Variants in NELL1 observed in about 807,000 individuals in gnomAD.
The protein encoded by NELL1 is neural EGFL like 1, also known as protein kinase C-binding protein NELL1.
In NELL1, 76 loss-of-function variants were observed where a neutral mutation model predicts 107.4. That is an observed-to-expected ratio of 0.71 (90% confidence interval 0.59 to 0.86). NELL1 has a LOEUF of 0.86. Among genes scored for constraint, NELL1 ranks in the 40% least tolerant of loss-of-function variants. The pLI is 0.00. For synonymous variants in NELL1, 353 were observed against 341.2 expected (o/e 1.03, Z -0.38); for missense variants, 1,024 against 1,005.5 (o/e 1.02, Z -0.25).
chr11:21,326,818 G>C (rs10833506), intron 14 of NELL1, among the ~76,000 whole-genome samples: 73,538 of 151,438 alleles, frequency 0.49, 18,376 homozygotes, highest in Admixed American at 0.61. Context: ...GAAAAAAAAT[G>C]CAGACTGAAT....
At chr11:21,324,573 C>T (rs1850086051) in intron 14 of NELL1, among the ~76,000 whole-genome samples, 1 of 152,042 alleles carries the variant, frequency 6.6e-6, no homozygotes. Flanking sequence ...ATTTTTCAGT[C>T]AACATTGATG....
chr11:21,345,406 C>T (rs548439335), intron 14 of NELL1, among the ~76,000 whole-genome samples: 5 of 152,270 alleles, frequency 3.3e-5, no homozygotes, highest in African/African-American at 1.2e-4. Context: ...CAAAGCTTTA[C>T]TATTTTCAAA....
intron 14 of NELL1, among the ~76,000 whole-genome samples, chr11:21,333,212 G>GCAAA (rs1218586873): frequency 1.3e-5 from 2 of 152,006 alleles, no homozygotes; most frequent in African/African-American, 4.8e-5. Flanking sequence ...AGACTAAAGG[G>GCAAA]CAAAGCAGCA....
At position 20,783,881 on chromosome 11, in the gene NELL1, T is replaced by C. The variant is rs749827232; in HGVS notation, c.335+51T>C. On this transcript the variant is annotated intron_variant, in intron 3 of 19. Coordinates refer to ENST00000357134, the MANE Select transcript of NELL1 (RefSeq NM_006157.5). ...AAATCTCCTTAGAGTTAATGGGTTATACAAAATGTCTTGGGATTTAGAGTT... is the reference window on the plus strand; with the variant it reads ...AAATCTCCTTAGAGTTAATGGGTTACACAAAATGTCTTGGGATTTAGAGTT... 55 of 1,516,670 alleles carry C rather than the reference T, an allele frequency of 3.6e-5. 2 individuals are homozygous for C. The Admixed American group carries it at 6.8e-4, about 19-fold the overall frequency. 94.0% of individuals were successfully genotyped at this position (1,516,670 alleles called of 1,614,324 possible). A position where few individuals can be genotyped will look rare whatever the true frequency, so the allele number is the denominator to read the frequency against.
chr11:21,293,518 T>C (rs1849314771), intron 14 of NELL1, among the ~76,000 whole-genome samples: 1 of 152,170 alleles, frequency 6.6e-6, no homozygotes, highest in South Asian at 2.1e-4. Flanking sequence ...TGGAAGACAG[T>C]GTGGTGATTC....
intron 12 of NELL1, among the ~76,000 whole-genome samples, chr11:21,089,496 AC>A (rs1311635211): frequency 7.2e-5 from 11 of 152,324 alleles, no homozygotes; most frequent in Admixed American, 7.2e-4. Flanking sequence ...AATGAAACAA[AC>A]CCCCCTCAGT....
intron 14 of NELL1, among the ~76,000 whole-genome samples, chr11:21,267,392 C>A (rs1041946527): frequency 6.6e-6 from 1 of 151,944 alleles, no homozygotes; most frequent in African/African-American, 2.4e-5. Flanking sequence ...AAATATAGTT[C>A]AAAATAGTTT....
chr11:21,343,314 G>T (rs1850616918), intron 14 of NELL1, among the ~76,000 whole-genome samples: 1 of 151,794 alleles, frequency 6.6e-6, no homozygotes, highest in Admixed American at 6.6e-5. Context: ...TCATGATCTC[G>T]TTGCTCAACG....
intron 12 of NELL1, among the ~76,000 whole-genome samples, chr11:20,967,515 A>G (rs994490423): frequency 1.3e-5 from 2 of 152,306 alleles, no homozygotes; most frequent in South Asian, 2.1e-4. Flanking sequence ...GGGTAAGGGT[A>G]CATCCACTTA....
chr11:21,100,094 G>A (rs568701144), intron 12 of NELL1, among the ~76,000 whole-genome samples: 1 of 151,240 alleles, frequency 6.6e-6, no homozygotes, highest in South Asian at 2.1e-4. Context: ...TTGGCTCACT[G>A]CAACCTCCAC....
chr11:21,351,324 G>A (rs1220039332), intron 14 of NELL1, among the ~76,000 whole-genome samples: 2 of 151,972 alleles, frequency 1.3e-5, no homozygotes, highest in African/African-American at 4.8e-5. Flanking sequence ...TGGCGACTCT[G>A]GGAAGCTAAT....
intron 14 of NELL1, among the ~76,000 whole-genome samples, chr11:21,350,498 T>C (rs950253): frequency 0.34 from 52,171 of 152,016 alleles, 9,156 homozygotes; most frequent in East Asian, 0.4. Flanking sequence ...TTCCATTCTG[T>C]TGAAGAACAA....
At chr11:21,213,621 G>A (rs187840614) in intron 13 of NELL1, among the ~76,000 whole-genome samples, 28 of 152,206 alleles carry the variant, frequency 1.8e-4, no homozygotes, top group Admixed American at 6.5e-5. Flanking sequence ...TCAAGACAGC[G>A]TAGTATTGGC....
chr11:20,675,510 G>A (rs1854032418), intron 1 of NELL1, among the ~76,000 whole-genome samples: 1 of 152,160 alleles, frequency 6.6e-6, no homozygotes, highest in Non-Finnish European at 1.5e-5. Flanking sequence ...GTCCAGGCCT[G>A]TGAAAGGCAC....
At chr11:21,094,781 C>T (rs773244023) in intron 12 of NELL1, among the ~76,000 whole-genome samples, 15 of 152,120 alleles carry the variant, frequency 9.9e-5, no homozygotes, top group Non-Finnish European at 1.5e-4. Context: ...GCACATAGCA[C>T]GAAGACCCTG....
intron 13 of NELL1, among the ~76,000 whole-genome samples, chr11:21,209,605 A>T (rs575914212): frequency 6.6e-6 from 1 of 152,122 alleles, no homozygotes; most frequent in African/African-American, 2.4e-5. Flanking sequence ...GTTAAGATAT[A>T]ATTTACATAG....
chr11:21,096,622 A>G (rs1463143612), intron 12 of NELL1, among the ~76,000 whole-genome samples: 1 of 152,130 alleles, frequency 6.6e-6, no homozygotes, highest in Non-Finnish European at 1.5e-5. Flanking sequence ...CTTTATCTCT[A>G]TCATAAACTG....
chr11:20,865,398 CA>C (rs888083333), intron 4 of NELL1, among the ~76,000 whole-genome samples: 4 of 152,122 alleles, frequency 2.6e-5, no homozygotes, highest in African/African-American at 9.7e-5. Flanking sequence ...AATAATCCCT[CA>C]AGTGGGAGGC....
intron 3 of NELL1, among the ~76,000 whole-genome samples, chr11:20,797,930 G>A (rs928892942): frequency 6.6e-6 from 1 of 152,208 alleles, no homozygotes; most frequent in Non-Finnish European, 1.5e-5. Flanking sequence ...GTAGAAAGGA[G>A]TAATAATAGA....
Sources: gnomAD v4.1 joint callset for allele counts (sites outside exome capture counted in the v4.1 genomes callset) on GRCh38, gnomAD v4.1.1 for gene constraint, MANE v1.5 for transcripts, NCBI Gene and HGNC (gene_info 2026-07-23, HGNC 2026-07-21) for gene names.